The following CFAP95 variants were observed in gnomAD, a reference collection of about 807,000 sequenced individuals.
The protein encoded by CFAP95 is cilia and flagella associated protein 95, also known as cilia- and flagella-associated protein 95.
the CFAP95 span, chr9:69,857,986 T>C: frequency 6.2e-7 from 1 of 1,611,834 alleles, no homozygotes. Flanking sequence ...ATGTTAGTAG[T>C]CCCTAAACTG....
the CFAP95 span, among the ~76,000 whole-genome samples, chr9:69,835,462 C>T: frequency 6.6e-6 from 1 of 152,152 alleles, no homozygotes; most frequent in East Asian, 1.9e-4. Context: ...TCTCTGGAGA[C>T]AAGTTAGCAT....
At chr9:69,874,739 A>G in the CFAP95 span, among the ~76,000 whole-genome samples, 1 of 152,192 alleles carries the variant, frequency 6.6e-6, no homozygotes. Context: ...TCTATTAAGA[A>G]AAGGAAATCC....
chr9:69,834,257 A>G, the CFAP95 span, among the ~76,000 whole-genome samples: 3 of 152,116 alleles, frequency 2.0e-5, no homozygotes, highest in Non-Finnish European at 4.4e-5. Context: ...TCAGCCAGCT[A>G]TTGCAAGTTG....
the CFAP95 span, among the ~76,000 whole-genome samples, chr9:69,874,578 G>A: frequency 1.3e-5 from 2 of 152,170 alleles, no homozygotes; most frequent in African/African-American, 4.8e-5. Flanking sequence ...TGACTTCAGA[G>A]ATGACTGGAC....
chr9:69,825,486 A>G, the CFAP95 span, among the ~76,000 whole-genome samples: 2 of 152,188 alleles, frequency 1.3e-5, no homozygotes, highest in African/African-American at 4.8e-5. Context: ...AAACATTGCC[A>G]AAGAGCCACC....
the CFAP95 span, among the ~76,000 whole-genome samples, chr9:69,831,480 C>T: frequency 4.0e-5 from 6 of 151,812 alleles, no homozygotes; most frequent in Non-Finnish European, 7.4e-5. Flanking sequence ...GAATCCATTG[C>T]TCTGTTGAAA....
At chr9:69,871,250 G>A in the CFAP95 span, among the ~76,000 whole-genome samples, 3 of 152,030 alleles carry the variant, frequency 2.0e-5, no homozygotes, top group South Asian at 6.2e-4. Context: ...ATAAACAAAG[G>A]CAGGGAGGAG....
the CFAP95 span, among the ~76,000 whole-genome samples, chr9:69,845,225 G>T: frequency 6.6e-6 from 1 of 152,176 alleles, no homozygotes; most frequent in African/African-American, 2.4e-5. Flanking sequence ...TTTAATTGAG[G>T]TGAGTGCGTT....
the CFAP95 span, among the ~76,000 whole-genome samples, chr9:69,892,105 C>T: frequency 6.6e-6 from 1 of 152,158 alleles, no homozygotes; most frequent in Non-Finnish European, 1.5e-5. Flanking sequence ...ATAAAATATA[C>T]ATGATATAAA....
the CFAP95 span, among the ~76,000 whole-genome samples, chr9:69,835,436 A>G: frequency 6.6e-6 from 1 of 152,224 alleles, no homozygotes; most frequent in Non-Finnish European, 1.5e-5. Flanking sequence ...CTCATTCAGC[A>G]AGTAGATTTA....
chr9:69,854,040 C>T, the CFAP95 span, among the ~76,000 whole-genome samples: 9 of 152,216 alleles, frequency 5.9e-5, no homozygotes, highest in Non-Finnish European at 8.8e-5. Context: ...TGGTCTGCAA[C>T]ACCAGGCACC....
At chr9:69,836,110 G>A in the CFAP95 span, among the ~76,000 whole-genome samples, 1 of 152,162 alleles carries the variant, frequency 6.6e-6, no homozygotes, top group African/African-American at 2.4e-5. Context: ...CTGATTGTTG[G>A]TGTTAGAGGC....
At chr9:69,884,355 CT>C in the CFAP95 span, 1 of 152,204 alleles carries the variant, frequency 6.6e-6, no homozygotes, top group Non-Finnish European at 1.5e-5. Context: ...CCTCGAACTC[CT>C]GGCTTTAAGA....
chr9:69,901,828 C>T, the CFAP95 span, among the ~76,000 whole-genome samples: 1 of 152,194 alleles, frequency 6.6e-6, no homozygotes, highest in South Asian at 2.1e-4. Flanking sequence ...GTTCCTATTT[C>T]TCCACATCCT....
chr9:69,874,190 C>CG, the CFAP95 span, among the ~76,000 whole-genome samples: 3 of 89,296 alleles, frequency 3.4e-5, no homozygotes, highest in East Asian at 1.8e-3. Context: ...TTATCTGACA[C>CG]ATGGAGATCA....
chr9:69,892,404 C>T, the CFAP95 span, among the ~76,000 whole-genome samples: 1,181 of 152,264 alleles, frequency 7.8e-3, 8 homozygotes, highest in Middle Eastern at 0.02. Context: ...GATGCATCTT[C>T]GCTAAAAGTC....
the CFAP95 span, among the ~76,000 whole-genome samples, chr9:69,832,136 G>A: frequency 1.3e-5 from 2 of 152,134 alleles, no homozygotes; most frequent in East Asian, 3.9e-4. Flanking sequence ...AGAACCCCGA[G>A]CTTTCAGAGA....
chr9:69,870,045 G>A, the CFAP95 span, among the ~76,000 whole-genome samples: 1 of 152,124 alleles, frequency 6.6e-6, no homozygotes, highest in East Asian at 1.9e-4. Flanking sequence ...GCTGCTATCT[G>A]TATTTAATTT....
chr9:69,863,852 G>A, the CFAP95 span, among the ~76,000 whole-genome samples: 34,759 of 151,856 alleles, frequency 0.23, 4,676 homozygotes, highest in Non-Finnish European at 0.29. Context: ...TATTCCCACC[G>A]TTTCACTTGA....
Sources: allele counts gnomAD v4.1 joint callset (sites outside exome capture counted in the v4.1 genomes callset), GRCh38; gene constraint gnomAD v4.1.1; transcripts MANE v1.5; gene names NCBI Gene and HGNC (gene_info 2026-07-23, HGNC 2026-07-21).